The following GPC6 variants were observed in gnomAD, a reference collection of about 807,000 sequenced individuals.
GPC6 encodes the protein glypican-6.
A neutral mutation model predicts 55.2 loss-of-function variants in GPC6; 14 were observed. The observed-to-expected ratio is 0.25, with a 90% CI of 0.17 to 0.40. The LOEUF (loss-of-function observed/expected upper bound fraction) is 0.40. GPC6 is among the 10% of genes least tolerant of loss of function. The pLI, the probability that GPC6 is intolerant of heterozygous loss-of-function variation, is 1.00. For synonymous variants in GPC6, 278 were observed against 259.6 expected, an observed-to-expected ratio of 1.07 and a Z score of -0.68; for missense variants, 641 against 708.5, an observed-to-expected ratio of 0.90 and a Z score of 1.08.
intron 2 of GPC6, among the ~76,000 whole-genome samples, chr13:93,549,414 G>A (rs9516252): frequency 0.24 from 36,900 of 152,060 alleles, 4,681 homozygotes; most frequent in South Asian, 0.32. Context: ...TGGAGAACAG[G>A]CAAATATTCA....
At chr13:94,335,682 T>A (rs1294353639) in intron 6 of GPC6, among the ~76,000 whole-genome samples, 1 of 152,180 alleles carries the variant, frequency 6.6e-6, no homozygotes, top group East Asian at 1.9e-4. Context: ...ACCAAGACAC[T>A]TTGCAAGCTA....
chr13:94,252,511 G>A (rs4142199), intron 4 of GPC6, among the ~76,000 whole-genome samples: 148,202 of 152,124 alleles, frequency 0.97, 72,224 homozygotes, highest in East Asian at 1. Flanking sequence ...AGGAAGCTGT[G>A]TATGTCGGAT....
chr13:94,121,205 C>A (rs1284880071), intron 4 of GPC6, among the ~76,000 whole-genome samples: 2 of 152,080 alleles, frequency 1.3e-5, no homozygotes, highest in Admixed American at 1.3e-4. Flanking sequence ...GGTACCATAC[C>A]TCTGCCACAC....
intron 3 of GPC6, among the ~76,000 whole-genome samples, chr13:93,876,334 G>A (rs1181722974): frequency 6.6e-6 from 1 of 151,822 alleles, no homozygotes; most frequent in Non-Finnish European, 1.5e-5. Context: ...CCTAACTTTT[G>A]TCTTGAGCAA....
upstream of GPC6, among the ~76,000 whole-genome samples, chr13:93,222,751 C>T (rs1370875408): frequency 2.6e-5 from 4 of 152,130 alleles, no homozygotes; most frequent in South Asian, 2.1e-4. Flanking sequence ...GGTTAAGTTG[C>T]TTTTACTTGT....
At chr13:93,820,686 T>C (rs1887015343) in intron 2 of GPC6, among the ~76,000 whole-genome samples, 1 of 151,736 alleles carries the variant, frequency 6.6e-6, no homozygotes, top group Admixed American at 6.6e-5. Context: ...TTTTTTTTAT[T>C]CTTCTTTTTC....
intron 1 of GPC6, among the ~76,000 whole-genome samples, chr13:93,252,922 G>A (rs1481655861): frequency 6.6e-6 from 1 of 152,228 alleles, no homozygotes; most frequent in Admixed American, 6.5e-5. Flanking sequence ...AAAGATTGCA[G>A]CTGATAAGCT....
intron 4 of GPC6, among the ~76,000 whole-genome samples, chr13:94,050,095 A>G (rs560596748): frequency 6.6e-6 from 1 of 152,204 alleles, no homozygotes; most frequent in East Asian, 1.9e-4. Flanking sequence ...CTTTTTCTTT[A>G]TAAATAACCC....
chr13:93,393,038 T>G (rs1255949960), intron 1 of GPC6, among the ~76,000 whole-genome samples: 3 of 150,778 alleles, frequency 2.0e-5, no homozygotes, highest in Non-Finnish European at 4.4e-5. Context: ...TATTGTTAAT[T>G]AAATTTGAGA....
chr13:94,318,812 T>C (rs965599922), intron 6 of GPC6, among the ~76,000 whole-genome samples: 14 of 152,210 alleles, frequency 9.2e-5, no homozygotes, highest in Admixed American at 3.9e-4. Flanking sequence ...TTCTTGTGAA[T>C]TGAGCTTTAT....
intron 6 of GPC6, among the ~76,000 whole-genome samples, chr13:94,357,501 G>A (rs563545278): frequency 5.3e-5 from 8 of 152,310 alleles, no homozygotes; most frequent in South Asian, 4.2e-4. Flanking sequence ...AAGATACAGC[G>A]TGAACACACA....
chr13:93,412,569 A>G (rs1448643969), intron 1 of GPC6, among the ~76,000 whole-genome samples: 1 of 152,164 alleles, frequency 6.6e-6, no homozygotes, highest in Non-Finnish European at 1.5e-5. Flanking sequence ...AAGCAGGAAT[A>G]TTGCTTGAAC....
At position 94,403,126 on chromosome 13, in the gene GPC6, A is replaced by G; in HGVS notation, c.1577A>G (p.Glu526Gly). The G allele has an allele frequency of 1.9e-6, 3 of 1,613,728 alleles. No individual in the cohort carries two copies. Among genetic ancestry groups the G allele is most frequent in the Non-Finnish European group, 2.5e-6 (3 of 1,179,652 alleles). ...EAPAVDPDRR[E>G]VDSSAAQRGH... ...CCCGCAGTGGATCCCGACCGGAGAG[A>G]GGTGGACTCTTCTGCAGCCCAGCGT... The change falls in exon 9 of 9, where the codon GAG becomes GGG. Residue 526 changes from glutamate (E) to glycine (G), a missense_variant. Transcript: ENST00000377047.
chr13:93,714,235 G>C (rs1191164394), intron 2 of GPC6, among the ~76,000 whole-genome samples: 3 of 151,256 alleles, frequency 2.0e-5, no homozygotes, highest in African/African-American at 7.3e-5. Context: ...TTAAACAATT[G>C]AGCAAATGAA....
chr13:93,583,297 C>A, intron 2 of GPC6, among the ~76,000 whole-genome samples: 1 of 151,906 alleles, frequency 6.6e-6, no homozygotes, highest in East Asian at 1.9e-4. Flanking sequence ...GTATCTCTTC[C>A]CTTCTTATTG....
intron 4 of GPC6, among the ~76,000 whole-genome samples, chr13:94,176,558 A>T (rs1888779889): frequency 1.3e-5 from 2 of 152,162 alleles, no homozygotes; most frequent in Non-Finnish European, 2.9e-5. Context: ...TCTTCTTTTC[A>T]AAAAGAAGCC....
intron 2 of GPC6, among the ~76,000 whole-genome samples, chr13:93,736,631 A>G (rs945499041): frequency 6.6e-6 from 1 of 152,216 alleles, no homozygotes; most frequent in Non-Finnish European, 1.5e-5. Flanking sequence ...TAATTTTTAA[A>G]TTAAATGTCT....
At chr13:93,791,927 A>G (rs1886050524) in intron 2 of GPC6, among the ~76,000 whole-genome samples, 1 of 152,228 alleles carries the variant, frequency 6.6e-6, no homozygotes, top group South Asian at 2.1e-4. Flanking sequence ...TTTTCGATCT[A>G]TAGTCTTATT....
chr13:93,769,429 G>A (rs777257411), intron 2 of GPC6, among the ~76,000 whole-genome samples: 16 of 109,400 alleles, frequency 1.5e-4, no homozygotes, highest in African/African-American at 3.1e-4. Context: ...GCTGCTGCAC[G>A]TGACAAAAAA....
Sources: allele counts gnomAD v4.1 joint callset (sites outside exome capture counted in the v4.1 genomes callset), GRCh38; gene constraint gnomAD v4.1.1; transcripts MANE v1.5; gene names NCBI Gene and HGNC (gene_info 2026-07-23, HGNC 2026-07-21).